ADTRP: variants seen among roughly 807,000 people sequenced by gnomAD.
ADTRP encodes the protein androgen-dependent TFPI-regulating protein.
A neutral mutation model predicts 27.0 loss-of-function variants in ADTRP; 20 were observed. The observed-to-expected ratio is 0.74, with a 90% CI of 0.52 to 1.08. The LOEUF is 1.08. Ranked by LOEUF, ADTRP falls within the 50% of genes least tolerant of loss-of-function variation. The pLI is 0.00. For synonymous variants in ADTRP, 101 were observed against 105.2 expected, an observed-to-expected ratio of 0.96 and a Z score of 0.25; for missense variants, 251 against 275.0, an observed-to-expected ratio of 0.91 and a Z score of 0.62.
At chr6:11,755,182 C>A in intron 3 of ADTRP, 1 of 527,682 alleles carries the variant, frequency 1.9e-6, no homozygotes, top group Non-Finnish European at 2.4e-6. Context: ...TACTAAAATT[C>A]CTAGTAACTT....
chr6:11,768,318 T>C lies in ADTRP; in HGVS notation c.219A>G (p.Gly73=), dbSNP rs372368144. The change falls in exon 2 of 6, where the codon GGA becomes GGG. Residue 73 remains glycine, a synonymous_variant. Transcript: ENST00000414691. Reference sequence around the variant, plus strand: ...AGGCAGTTAGGAACTTAATGTCTTTTCCCCCTTTGGTTCTTTTCAGCACAT... The same window carrying C: ...AGGCAGTTAGGAACTTAATGTCTTTCCCCCCTTTGGTTCTTTTCAGCACAT... ...LDDVLKRTKG[G]KDIKFLTAFR... The C allele has an allele frequency of 1.2e-6, 2 of 1,614,068 alleles. No individual in the cohort carries two copies. The highest frequency in any genetic ancestry group is 8.5e-7 in the Non-Finnish European group (1 of 1,180,040).
In ADTRP at chr6:11,756,310, G is replaced by A. The variant is rs190983650; in HGVS notation, c.390+9964C>T. Among the ~76,000 whole-genome samples the A allele has an allele frequency of 2.2e-3, 339 of 151,550 alleles. 3 individuals carry two copies. Among genetic ancestry groups the A allele is most frequent in the African/African-American group, 8.0e-3 (328 of 41,064 alleles). ...GATCATGCCACTGCACTCCAGCCTA[G>A]GTGACAAAGCGAGACTGTGTCTCAA... On this transcript the variant is annotated intron_variant, in intron 3 of 5. Transcript: ENST00000414691.
chr6:11,756,790 C>G (rs1451606566), intron 3 of ADTRP, among the ~76,000 whole-genome samples: 2 of 152,146 alleles, frequency 1.3e-5, no homozygotes, highest in South Asian at 2.1e-4. Flanking sequence ...CTAGACCCAG[C>G]TCTATCACTA....
chr6:11,750,962 C>G (rs960239833), intron 3 of ADTRP, among the ~76,000 whole-genome samples: 3 of 152,210 alleles, frequency 2.0e-5, no homozygotes, highest in African/African-American at 7.2e-5. Flanking sequence ...AACGATTCTC[C>G]TGCCTCAAGC....
At chr6:11,740,594 C>A (rs1488754535) in intron 3 of ADTRP, among the ~76,000 whole-genome samples, 2 of 152,192 alleles carry the variant, frequency 1.3e-5, no homozygotes, top group Non-Finnish European at 2.9e-5. Context: ...GCGATAAAGG[C>A]ATGCAGTAAT....
intron 3 of ADTRP, 179 bp from the exon 4 acceptor site, chr6:11,735,862 C>T (rs1017218885): frequency 3.6e-5 from 20 of 556,010 alleles, no homozygotes; most frequent in Non-Finnish European, 5.8e-5. Flanking sequence ...CACATTAGTC[C>T]AAACTCCTCT....
At chr6:11,719,742 T>C (rs1379971470) in intron 5 of ADTRP, among the ~76,000 whole-genome samples, 1 of 152,198 alleles carries the variant, frequency 6.6e-6, no homozygotes, top group African/African-American at 2.4e-5. Context: ...TGACCTCCTA[T>C]TTGCTGTAAG....
At chr6:11,732,166 TA>T (rs1250980683) in intron 4 of ADTRP, among the ~76,000 whole-genome samples, 1 of 152,124 alleles carries the variant, frequency 6.6e-6, no homozygotes, top group African/African-American at 2.4e-5. Context: ...ATCTGAAAAA[TA>T]ACTAAAAGCA....
At chr6:11,768,659 G>A (rs184046974) in intron 1 of ADTRP, among the ~76,000 whole-genome samples, 1 of 152,296 alleles carries the variant, frequency 6.6e-6, no homozygotes, top group Non-Finnish European at 1.5e-5. Context: ...AAAATAAAGA[G>A]TCAGCCTAAA....
At chr6:11,723,263 G>T in intron 5 of ADTRP, 86 bp downstream of exon 5, 1 of 1,505,960 alleles carries the variant, frequency 6.6e-7, no homozygotes, top group South Asian at 1.2e-5. Context: ...TTCTGTTTGC[G>T]GCTAGTTTTT....
In ADTRP at chr6:11,735,692, G is replaced by A; in HGVS notation, c.391-9C>T. On this transcript the variant is annotated splice_polypyrimidine_tract_variant and intron_variant, in intron 3 of 5. Coordinates refer to ENST00000414691, the MANE Select transcript of ADTRP (RefSeq NM_032744.4). ...GGGAATATGAAAGTGTGCTGCAGGAGAGAAAATGGCAAATCAGAATGGCAG... is the reference window on the plus strand; with the variant it reads ...GGGAATATGAAAGTGTGCTGCAGGAAAGAAAATGGCAAATCAGAATGGCAG... 1 of 1,596,868 alleles carries A rather than the reference G, an allele frequency of 6.3e-7. No individual in the cohort carries two copies.
rs1244528203 is a variant in ADTRP at position 11,714,438 on chromosome 6, G to A, written c.*40C>T. ...AAAAAAAAGATGAGAAAAATCTCTT[G>A]TGTTTTCTTCTTTCTTGGTTCTTGG... On this transcript the variant is annotated 3_prime_UTR_variant, in exon 6 of 6. Coordinates refer to ENST00000414691, the MANE Select transcript of ADTRP (RefSeq NM_032744.4). The A allele has an allele frequency of 1.3e-6, 2 of 1,583,820 alleles. No individual in the cohort carries two copies. The highest frequency in any genetic ancestry group is 1.7e-6 in the Non-Finnish European group (2 of 1,167,414).
intron 4 of ADTRP, among the ~76,000 whole-genome samples, chr6:11,726,530 G>T (rs1441540323): frequency 6.6e-6 from 1 of 152,180 alleles, no homozygotes; most frequent in Non-Finnish European, 1.5e-5. Context: ...CACATTGTGA[G>T]GCAGCAGTAA....
chr6:11,730,590 T>C (rs753884703), intron 4 of ADTRP, among the ~76,000 whole-genome samples: 8 of 152,256 alleles, frequency 5.3e-5, no homozygotes, highest in Non-Finnish European at 8.8e-5. Flanking sequence ...GATGTGTACA[T>C]GTATTTGTAA....
intron 1 of ADTRP, among the ~76,000 whole-genome samples, chr6:11,774,124 T>C (rs1171629829): frequency 6.7e-6 from 1 of 148,646 alleles, no homozygotes; most frequent in African/African-American, 2.5e-5. Context: ...CTGGCCAACA[T>C]GGTGCAACCC....
chr6:11,773,168 AG>A (rs577688251), intron 1 of ADTRP, among the ~76,000 whole-genome samples: 3 of 152,190 alleles, frequency 2.0e-5, no homozygotes, highest in South Asian at 4.1e-4. Flanking sequence ...GGCCAGGGAA[AG>A]CTCTGTGTTA....
chr6:11,762,589 A>G (rs72819669), intron 3 of ADTRP, among the ~76,000 whole-genome samples: 6,240 of 152,278 alleles, frequency 0.041, 166 homozygotes, highest in Non-Finnish European at 0.056. Flanking sequence ...CTTAACATCA[A>G]TGAAACTTTT....
At chr6:11,732,539 C>T (rs1163962234) in intron 4 of ADTRP, among the ~76,000 whole-genome samples, 3 of 152,220 alleles carry the variant, frequency 2.0e-5, no homozygotes, top group African/African-American at 7.2e-5. Flanking sequence ...CTGAGCTCCT[C>T]TAACCAGGGC....
intron 3 of ADTRP, among the ~76,000 whole-genome samples, chr6:11,762,855 C>T (rs1763436713): frequency 6.6e-6 from 1 of 152,238 alleles, no homozygotes; most frequent in Admixed American, 6.5e-5. Context: ...AGTCCCCCAG[C>T]TCCCCTCGGG....
Sources: gnomAD v4.1 joint callset for allele counts (sites outside exome capture counted in the v4.1 genomes callset) on GRCh38, gnomAD v4.1.1 for gene constraint, MANE v1.5 for transcripts, NCBI Gene and HGNC (gene_info 2026-07-23, HGNC 2026-07-21) for gene names.